Variants in CYB5R3 observed in about 807,000 individuals in gnomAD.
The protein encoded by CYB5R3 is NADH-cytochrome b5 reductase 3.
A neutral mutation model predicts 36.5 loss-of-function variants in CYB5R3; 28 were observed. The observed-to-expected ratio is 0.77, with a 90% confidence interval of 0.57 to 1.05. The LOEUF is 1.05. Among genes scored for constraint, CYB5R3 ranks in the 50% least tolerant of loss-of-function variants. CYB5R3 has a pLI of 0.00. For missense variants in CYB5R3, 474 were observed against 408.9 expected, an observed-to-expected ratio of 1.16 and a Z score of -1.37; for synonymous variants, 181 against 159.8, an observed-to-expected ratio of 1.13 and a Z score of -1.00.
At chr22:42,624,752 GA>G (rs1928178523) in intron 7 of CYB5R3, among the ~76,000 whole-genome samples, 1 of 152,242 alleles carries the variant, frequency 6.6e-6, no homozygotes, top group East Asian at 1.9e-4. Flanking sequence ...CTGCCACCCA[GA>G]AAGGGCTGCC....
intron 1 of CYB5R3, among the ~76,000 whole-genome samples, chr22:42,641,774 C>T (rs927063206): frequency 1.3e-5 from 2 of 152,214 alleles, no homozygotes; most frequent in African/African-American, 4.8e-5. Flanking sequence ...ACATGAGCCA[C>T]AGCGCCTGGC....
chr22:42,622,418 G>C (rs1333360697), intron 8 of CYB5R3, among the ~76,000 whole-genome samples: 1 of 152,138 alleles, frequency 6.6e-6, no homozygotes, highest in Non-Finnish European at 1.5e-5. Flanking sequence ...TCAGCTGCGG[G>C]GTCAGGTTGG....
intron 1 of CYB5R3, chr22:42,640,006 C>CT (rs766908135): frequency 1.2e-6 from 2 of 1,612,852 alleles, no homozygotes; most frequent in African/African-American, 2.7e-5. Flanking sequence ...TGTGATCTCT[C>CT]TGACATAAAA....
At position 42,649,280 on chromosome 22, in the gene CYB5R3, C is replaced by T. The variant is rs1038028492; in HGVS notation, c.21+15G>A. The T allele has an allele frequency of 3.0e-6, 3 of 1,007,172 alleles. No individual in the cohort carries two copies. Among genetic ancestry groups the T allele is most frequent in the Non-Finnish European group, 3.6e-6 (3 of 838,114 alleles). 62.4% of individuals were successfully genotyped at this position (1,007,172 alleles called of 1,614,324 possible). On this transcript the variant is annotated intron_variant, in intron 1 of 8. Transcript: ENST00000352397. ...TCGCGACGCCCCGCGGCCCCGGCGC[C>T]CCCTCCCCGCCTACCGTGCTGAGCT...
chr22:42,647,226 A>G (rs1929577260), intron 1 of CYB5R3, among the ~76,000 whole-genome samples: 1 of 150,848 alleles, frequency 6.6e-6, no homozygotes, highest in Non-Finnish European at 1.5e-5. Context: ...ACCCTTGGAG[A>G]GATGGGGCTG....
At chr22:42,638,327 C>T (rs564162951) in intron 1 of CYB5R3, among the ~76,000 whole-genome samples, 1 of 131,584 alleles carries the variant, frequency 7.6e-6, no homozygotes, top group Admixed American at 9.5e-5. Context: ...ACCTGGGAGG[C>T]GGAGGTTGCA....
At chr22:42,628,634 G>A (rs1331400978) in intron 4 of CYB5R3, among the ~76,000 whole-genome samples, 3 of 152,156 alleles carry the variant, frequency 2.0e-5, no homozygotes, top group African/African-American at 7.2e-5. Context: ...CAAGGCTCTG[G>A]GAGGCCCACT....
rs1928340442 is a variant in CYB5R3 at position 42,627,468 on chromosome 22, G to A, written c.548-79C>T. 4 of 1,515,864 alleles carry A rather than the reference G, an allele frequency of 2.6e-6. No homozygotes were observed. In the East Asian group the frequency reaches 9.1e-5, roughly 35 times the overall value. The allele number at this position is 1,515,864 out of a possible 1,614,324, so 93.9% of individuals were successfully genotyped here. Reference sequence around the variant, plus strand: ...CACCGCCCCGCCCAGGTGTACTGGGGTGGAGGGGCCAGGACCACTGGGCCT... The same window carrying A: ...CACCGCCCCGCCCAGGTGTACTGGGATGGAGGGGCCAGGACCACTGGGCCT... On this transcript the variant is annotated intron_variant, in intron 6 of 8. Coordinates refer to ENST00000352397, the MANE Select transcript of CYB5R3 (RefSeq NM_000398.7).
intron 1 of CYB5R3, chr22:42,646,715 G>A: frequency 1.0e-6 from 1 of 985,656 alleles, no homozygotes; most frequent in Non-Finnish European, 1.2e-6. Flanking sequence ...TTCTAACCGG[G>A]AGGAAGTGGG....
At chr22:42,636,921 A>C in intron 1 of CYB5R3, 75 bp from the exon 2 acceptor site, 3 of 1,569,528 alleles carry the variant, frequency 1.9e-6, no homozygotes, top group Non-Finnish European at 2.6e-6. Flanking sequence ...CCACACTACC[A>C]GGCCTCTGCT....
chr22:42,626,902 C>T (rs1928297935), intron 7 of CYB5R3, among the ~76,000 whole-genome samples: 1 of 152,148 alleles, frequency 6.6e-6, no homozygotes, highest in Non-Finnish European at 1.5e-5. Context: ...TCAAATCCTG[C>T]CCTGACACCC....
intron 1 of CYB5R3, among the ~76,000 whole-genome samples, chr22:42,641,082 C>T (rs1929245968): frequency 6.6e-6 from 1 of 151,886 alleles, no homozygotes; most frequent in Non-Finnish European, 1.5e-5. Flanking sequence ...GTCTTGAAGT[C>T]CTGACCTGGT....
At position 42,636,735 on chromosome 22, in the gene CYB5R3, G is replaced by A; in HGVS notation, c.133C>T (p.Leu45=). The A allele has an allele frequency of 6.2e-7, 1 of 1,613,074 alleles. No individual in the cohort carries two copies. The highest frequency in any genetic ancestry group is 8.5e-7 in the Non-Finnish European group (1 of 1,179,950). ...TLESPDIKYP[L]RLIDREIISH... ...CTCACCTCCCGGTCGATGAGCCGCA[G>A]CGGGTACTTGATGTCCGGGCTCTCG... The change falls in exon 2 of 9, where the codon CTG becomes TTG. Residue 45 remains leucine (L), a synonymous_variant. Transcript: ENST00000352397.
At chr22:42,631,180 GC>G in intron 3 of CYB5R3, 192 bp from the exon 4 acceptor site, 1 of 749,122 alleles carries the variant, frequency 1.3e-6, no homozygotes, top group South Asian at 1.7e-5. Flanking sequence ...CTTCACTCCT[GC>G]TGGTGCCACT....
At chr22:42,619,970 C>T in intron 8 of CYB5R3, 25 bp from the exon 9 acceptor site, 1 of 1,576,316 alleles carries the variant, frequency 6.3e-7, no homozygotes, top group Non-Finnish European at 8.6e-7. Context: ...ACCAGGTAAG[C>T]TGACGTGTGG....
At chr22:42,624,396 C>G (rs1569317256) in intron 7 of CYB5R3, among the ~76,000 whole-genome samples, 1 of 152,182 alleles carries the variant, frequency 6.6e-6, no homozygotes, top group Non-Finnish European at 1.5e-5. Flanking sequence ...CCAGGAAGTA[C>G]AGACACCACT....
In CYB5R3 at chr22:42,639,776, T is replaced by G. The variant is rs1044656812; in HGVS notation, c.22-2930A>C. 20 of 655,642 alleles carry G rather than the reference T, an allele frequency of 3.1e-5. No homozygotes were observed. In the African/African-American group the frequency reaches 3.6e-4, roughly 12 times the overall value. The allele number at this position is 655,642 out of a possible 1,614,324, so 40.6% of individuals were successfully genotyped here. ...AATATTTAGGGGCAAAGGGGCAACTTACTCTTAAATGGTTCAAAATATAGA... is the reference window on the plus strand; with the variant it reads ...AATATTTAGGGGCAAAGGGGCAACTGACTCTTAAATGGTTCAAAATATAGA... On this transcript the variant is annotated intron_variant, in intron 1 of 8. Coordinates refer to ENST00000352397, the MANE Select transcript of CYB5R3 (RefSeq NM_000398.7).
intron 8 of CYB5R3, among the ~76,000 whole-genome samples, chr22:42,622,406 G>A (rs1426683028): frequency 6.6e-6 from 1 of 152,152 alleles, no homozygotes; most frequent in Non-Finnish European, 1.5e-5. Context: ...CCCACTGGAA[G>A]GTCAGCTGCG....
intron 1 of CYB5R3, among the ~76,000 whole-genome samples, chr22:42,643,067 C>G (rs1929363550): frequency 6.6e-6 from 1 of 152,208 alleles, no homozygotes; most frequent in African/African-American, 2.4e-5. Context: ...CTGCAGAACA[C>G]AGACAAGTGC....
Sources: gnomAD v4.1 joint callset for allele counts (sites outside exome capture counted in the v4.1 genomes callset) on GRCh38, gnomAD v4.1.1 for gene constraint, MANE v1.5 for transcripts, NCBI Gene and HGNC (gene_info 2026-07-23, HGNC 2026-07-21) for gene names.